ANKRD27: variants seen among roughly 807,000 people sequenced by gnomAD.
ANKRD27 encodes the protein ankyrin repeat domain 27.
ANKRD27 carries 112 observed loss-of-function variants against 129.7 expected under a neutral mutation model. That is an observed-to-expected ratio of 0.86 (90% CI 0.74 to 1.01). The LOEUF (loss-of-function observed/expected upper bound fraction) is 1.01, where lower values mean the gene tolerates loss of function less well. Among genes scored for constraint, ANKRD27 ranks in the 50% least tolerant of loss-of-function variants. The pLI, the probability that ANKRD27 is intolerant of heterozygous loss-of-function variation, is 0.00. For missense variants in ANKRD27, 1,258 were observed against 1,300.5 expected (o/e 0.97, Z 0.50); for synonymous variants, 516 against 511.2 (o/e 1.01, Z -0.13).
chr19:32,641,077 A>G (rs1967191869), intron 10 of ANKRD27, among the ~76,000 whole-genome samples: 1 of 151,126 alleles, frequency 6.6e-6, no homozygotes, highest in Admixed American at 6.6e-5. Flanking sequence ...TTTTTTTTGC[A>G]TTTTTAGTAG....
At chr19:32,615,515 T>C (rs552191342) in intron 22 of ANKRD27, 143 bp downstream of exon 22, 7 of 1,337,330 alleles carry the variant, frequency 5.2e-6, no homozygotes, top group African/African-American at 4.4e-5. Flanking sequence ...GCCCAGGCGG[T>C]TGAGGCTGCA....
chr19:32,627,868 G>GC (rs1443414372), intron 15 of ANKRD27, among the ~76,000 whole-genome samples: 1 of 145,022 alleles, frequency 6.9e-6, no homozygotes, highest in Non-Finnish European at 1.6e-5. Flanking sequence ...GACCCACGCA[G>GC]GGGGGCTCAG....
At chr19:32,627,036 G>C (rs1966897099) in intron 15 of ANKRD27, among the ~76,000 whole-genome samples, 2 of 152,044 alleles carry the variant, frequency 1.3e-5, no homozygotes, top group Admixed American at 1.3e-4. Context: ...AGGGGACCCA[G>C]CAAAAGTCCA....
At chr19:32,602,714 C>A (rs759999118) in intron 25 of ANKRD27, among the ~76,000 whole-genome samples, 6 of 151,694 alleles carry the variant, frequency 4.0e-5, no homozygotes, top group Non-Finnish European at 7.4e-5. Context: ...GCCAACATGG[C>A]AAAACCCTGT....
intron 25 of ANKRD27, among the ~76,000 whole-genome samples, chr19:32,602,970 G>C (rs1397083463): frequency 1.3e-5 from 2 of 151,900 alleles, no homozygotes; most frequent in East Asian, 3.9e-4. Context: ...GTACTAAACT[G>C]AGAGTTTAAA....
chr19:32,629,002 C>A (rs1489867664), intron 13 of ANKRD27, among the ~76,000 whole-genome samples, 153 bp from the exon 14 acceptor site: 1 of 152,126 alleles, frequency 6.6e-6, no homozygotes, highest in Non-Finnish European at 1.5e-5. Context: ...CTCACTGCAA[C>A]CTCTGCCTCC....
chr19:32,640,735 T>C (rs890261295), intron 10 of ANKRD27, among the ~76,000 whole-genome samples: 8 of 151,984 alleles, frequency 5.3e-5, no homozygotes, highest in African/African-American at 1.9e-4. Context: ...GACCCCCACC[T>C]CTACAAAAAA....
intron 1 of ANKRD27, among the ~76,000 whole-genome samples, chr19:32,666,071 T>C (rs977272830): frequency 1.1e-4 from 16 of 152,338 alleles, no homozygotes; most frequent in Admixed American, 3.3e-4. Flanking sequence ...CTCAGCCCTA[T>C]AATTATGAAT....
intron 3 of ANKRD27, 133 bp downstream of exon 3, chr19:32,649,549 C>T (rs767990595): frequency 5.8e-6 from 4 of 686,724 alleles, no homozygotes; most frequent in African/African-American, 5.3e-5. Flanking sequence ...TCCAGCCCCC[C>T]ACGGGGCTGC....
chr19:32,639,601 G>C, intron 11 of ANKRD27, 113 bp from the exon 12 acceptor site: 1 of 1,136,160 alleles, frequency 8.8e-7, no homozygotes, highest in Non-Finnish European at 1.3e-6. Flanking sequence ...GGTTCGCTCA[G>C]GAAGCTACGA....
Position 32,619,241 on chromosome 19 carries a change from CT to C in ANKRD27, c.2007+18del. ...CCGCCAAGGCCTCCCCTCCCCAGCC[CT>C]TCCTCTGGAAGCCTCACCTCTCTGT... On this transcript the variant is annotated intron_variant, in intron 20 of 28. Transcript: ENST00000306065. 6.2e-7 allele frequency: 1 copy of C among 1,605,268 alleles called. No homozygotes were observed. The highest frequency in any genetic ancestry group is 8.5e-7 in the Non-Finnish European group (1 of 1,175,084).
intron 12 of ANKRD27, among the ~76,000 whole-genome samples, chr19:32,632,984 C>A (rs1203448029): frequency 6.6e-6 from 1 of 152,180 alleles, no homozygotes; most frequent in Non-Finnish European, 1.5e-5. Context: ...GCACTTCTGC[C>A]CCCAGCTGCT....
At chr19:32,636,373 AC>A in intron 12 of ANKRD27, 1 of 154,272 alleles carries the variant, frequency 6.5e-6, no homozygotes, top group Non-Finnish European at 1.4e-5. Context: ...GAGAGGGGAG[AC>A]CCTATGAAGG....
Position 32,635,061 on chromosome 19 carries a change from C to T in ANKRD27, c.1117-3567G>A, listed in dbSNP as rs182723864. Reference sequence around the variant, plus strand: ...CCGATGTATACTGTTTGGTCAGCCACCTCCTTACAACCTGGTGAAGGCCTC... The same window carrying T: ...CCGATGTATACTGTTTGGTCAGCCATCTCCTTACAACCTGGTGAAGGCCTC... On this transcript the variant is annotated intron_variant, in intron 12 of 28. Coordinates refer to ENST00000306065, the MANE Select transcript of ANKRD27 (RefSeq NM_032139.3). Among the ~76,000 whole-genome samples, 34 of 152,292 alleles carry T rather than the reference C, an allele frequency of 2.2e-4. No individual in the cohort carries two copies. The East Asian group carries it at 6.6e-3, about 29-fold the overall frequency.
chr19:32,608,036 T>C (rs1298994681), intron 22 of ANKRD27, among the ~76,000 whole-genome samples: 1 of 151,494 alleles, frequency 6.6e-6, no homozygotes, highest in Non-Finnish European at 1.5e-5. Flanking sequence ...GGTCTCACTC[T>C]GTTGCCCAGG....
intron 1 of ANKRD27, among the ~76,000 whole-genome samples, chr19:32,662,903 G>A (rs10423804): frequency 2.6e-5 from 4 of 151,944 alleles, no homozygotes; most frequent in African/African-American, 4.8e-5. Context: ...TTAGCCAGGC[G>A]TGATGGCATG....
chr19:32,662,204 T>C (rs10424989), intron 1 of ANKRD27, among the ~76,000 whole-genome samples: 15,391 of 144,050 alleles, frequency 0.11, 2,489 homozygotes, highest in African/African-American at 0.35. Flanking sequence ...CCCAGCTGCC[T>C]GGGAGGCTGA....
Position 32,615,772 on chromosome 19 carries a change from G to A in ANKRD27, c.2061C>T (p.Tyr687=). 1 of 1,612,868 alleles carries A rather than the reference G, an allele frequency of 6.2e-7. No individual in the cohort carries two copies. The highest frequency in any genetic ancestry group is 8.5e-7 in the Non-Finnish European group (1 of 1,179,236). ...GGTCCTCCTCTGTCCATTCCAACAGGTAACGCACCTGGTGATGGAGAGTAA... is the reference window on the plus strand; with the variant it reads ...GGTCCTCCTCTGTCCATTCCAACAGATAACGCACCTGGTGATGGAGAGTAA... ...VADGDLEMVR[Y]LLEWTEEDLE... Residue 687 remains tyrosine, a synonymous_variant, in exon 22 of 29, where the codon TAC becomes TAT. Transcript: ENST00000306065.
chr19:32,667,924 C>T (rs1206895429), intron 1 of ANKRD27, among the ~76,000 whole-genome samples: 3 of 151,428 alleles, frequency 2.0e-5, no homozygotes, highest in Non-Finnish European at 2.9e-5. Flanking sequence ...ATTTAAAAAG[C>T]GTAAAAGTGA....
Sources: allele counts gnomAD v4.1 joint callset (sites outside exome capture counted in the v4.1 genomes callset), GRCh38; gene constraint gnomAD v4.1.1; transcripts MANE v1.5; gene names NCBI Gene and HGNC (gene_info 2026-07-23, HGNC 2026-07-21).